DCLK1: variants seen among roughly 807,000 people sequenced by gnomAD.
The protein encoded by DCLK1 is doublecortin like kinase 1.
A neutral mutation model predicts 86.2 loss-of-function variants in DCLK1; 16 were observed. The observed-to-expected ratio is 0.19, with a 90% CI of 0.13 to 0.28. The LOEUF (loss-of-function observed/expected upper bound fraction) is 0.28, where lower values mean the gene tolerates loss of function less well. Among genes scored for constraint, DCLK1 ranks in the 10% least tolerant of loss-of-function variants. DCLK1 has a pLI of 1.00. For synonymous variants in DCLK1, 369 were observed against 370.5 expected (o/e 1.00, Z 0.05); for missense variants, 590 against 940.2 (o/e 0.63, Z 4.87).
chr13:36,116,286 A>G (rs1455501405), intron 2 of DCLK1, among the ~76,000 whole-genome samples: 1 of 152,114 alleles, frequency 6.6e-6, no homozygotes, highest in African/African-American at 2.4e-5. Context: ...ATTATTCTTC[A>G]AAGCATAACA....
chr13:36,029,241 C>A (rs527653020), intron 3 of DCLK1, among the ~76,000 whole-genome samples: 27 of 152,292 alleles, frequency 1.8e-4, no homozygotes, highest in Admixed American at 1.6e-3. Flanking sequence ...CCTGACCTCC[C>A]TGGTCAGATT....
At chr13:35,837,561 C>A (rs1462974323) in intron 7 of DCLK1, among the ~76,000 whole-genome samples, 1 of 152,126 alleles carries the variant, frequency 6.6e-6, no homozygotes, top group Non-Finnish European at 1.5e-5. Context: ...CCAGATGACA[C>A]AATCTTAAGG....
At chr13:36,039,821 C>A (rs559534993) in intron 3 of DCLK1, among the ~76,000 whole-genome samples, 3 of 151,934 alleles carry the variant, frequency 2.0e-5, no homozygotes, top group Admixed American at 2.0e-4. Flanking sequence ...CACTTTTGAA[C>A]GCAGTGTCTA....
chr13:35,948,521 G>A (rs973473265), intron 3 of DCLK1, among the ~76,000 whole-genome samples: 2 of 152,082 alleles, frequency 1.3e-5, no homozygotes, highest in Non-Finnish European at 2.9e-5. Flanking sequence ...CTGCTTTTTT[G>A]TTAGTCCCTG....
intron 3 of DCLK1, among the ~76,000 whole-genome samples, chr13:35,993,373 C>T (rs12431334): frequency 0.36 from 54,936 of 152,062 alleles, 11,062 homozygotes; most frequent in Non-Finnish European, 0.44. Flanking sequence ...AGTTCTGTCT[C>T]TCCAGGTAGA....
In DCLK1 at chr13:36,081,184, T is replaced by A. The variant is rs567771344; in HGVS notation, c.723+30685A>T. ...GAAAGCAACTTTTAAAAGAAAAAAA[T>A]TAGAATTAAATAATTATTAACATAA... On this transcript the variant is annotated intron_variant, in intron 3 of 16. Coordinates refer to ENST00000360631, the MANE Select transcript of DCLK1 (RefSeq NM_001330071.2). Among the ~76,000 whole-genome samples the A allele has an allele frequency of 3.9e-5, 6 of 152,164 alleles. No homozygotes were observed. The South Asian group carries it at 1.0e-3, about 26-fold the overall frequency.
At chr13:35,811,770 G>C (rs1296028962) in intron 11 of DCLK1, among the ~76,000 whole-genome samples, 1 of 151,822 alleles carries the variant, frequency 6.6e-6, no homozygotes, top group African/African-American at 2.4e-5. Flanking sequence ...GGAGGTGGAG[G>C]TTGCAGTGAG....
chr13:36,119,067 G>A (rs1338198503), intron 2 of DCLK1, among the ~76,000 whole-genome samples: 3 of 152,118 alleles, frequency 2.0e-5, no homozygotes, highest in Non-Finnish European at 4.4e-5. Context: ...ACCCTAGCAG[G>A]TGGTAACACT....
chr13:35,948,353 T>C, intron 3 of DCLK1, among the ~76,000 whole-genome samples: 1 of 152,164 alleles, frequency 6.6e-6, no homozygotes, highest in East Asian at 1.9e-4. Context: ...AGGCACCCAT[T>C]CAGAGCTGTA....
intron 5 of DCLK1, among the ~76,000 whole-genome samples, chr13:35,857,470 TC>T (rs1871128972): frequency 6.6e-6 from 1 of 152,142 alleles, no homozygotes; most frequent in Non-Finnish European, 1.5e-5. Context: ...CTAGCAATAA[TC>T]AACACTGCCT....
At chr13:35,917,829 G>C (rs1363207813) in intron 4 of DCLK1, among the ~76,000 whole-genome samples, 3 of 147,918 alleles carry the variant, frequency 2.0e-5, no homozygotes, top group Non-Finnish European at 4.5e-5. Context: ...GGGCGGGGAG[G>C]CCTCCAGTGG....
intron 3 of DCLK1, among the ~76,000 whole-genome samples, chr13:36,066,771 A>G (rs1883766794): frequency 1.3e-5 from 2 of 152,172 alleles, no homozygotes; most frequent in South Asian, 4.1e-4. Context: ...ACTTCTCAAA[A>G]GAAGACATTT....
rs551984617 is a variant in DCLK1 at position 35,985,198 on chromosome 13, T to G, written c.724-37741A>C. 5.9e-5 allele frequency among the ~76,000 whole-genome samples: 9 copies of G among 152,286 alleles called. No individual in the cohort carries two copies. In the East Asian group the frequency reaches 1.4e-3, roughly 23 times the overall value. On this transcript the variant is annotated intron_variant, in intron 3 of 16. Transcript: ENST00000360631. ...AGCTCACTTCCCTTCCACATCATCC[T>G]TCTCCACTGTTGTTTCTAACAGAGG...
chr13:35,909,329 A>G (rs2094248), intron 4 of DCLK1, among the ~76,000 whole-genome samples: 14,992 of 152,236 alleles, frequency 0.098, 845 homozygotes, highest in South Asian at 0.21. Flanking sequence ...GAATATTTGC[A>G]CATAAAATGG....
At chr13:36,095,539 G>C (rs759183279) in intron 3 of DCLK1, among the ~76,000 whole-genome samples, 2 of 151,964 alleles carry the variant, frequency 1.3e-5, no homozygotes, top group African/African-American at 4.8e-5. Context: ...ACTCCCAAAT[G>C]TTTCCAAAAA....
At chr13:35,971,813 G>A (rs1430528113) in intron 3 of DCLK1, among the ~76,000 whole-genome samples, 2 of 151,818 alleles carry the variant, frequency 1.3e-5, no homozygotes, top group Non-Finnish European at 2.9e-5. Context: ...TGTTAATGCT[G>A]GGCCCTGGAG....
intron 3 of DCLK1, among the ~76,000 whole-genome samples, chr13:36,053,522 A>G (rs1015533539): frequency 3.9e-5 from 6 of 152,174 alleles, no homozygotes; most frequent in African/African-American, 1.4e-4. Context: ...ACAGCAGCAC[A>G]TCTAACATTT....
At chr13:35,955,459 T>C (rs1194849953) in intron 3 of DCLK1, among the ~76,000 whole-genome samples, 1 of 152,044 alleles carries the variant, frequency 6.6e-6, no homozygotes, top group East Asian at 1.9e-4. Flanking sequence ...CCTGATTCTA[T>C]TCATGAGGAT....
intron 3 of DCLK1, among the ~76,000 whole-genome samples, chr13:36,012,391 C>T (rs1224822500): frequency 2.6e-5 from 4 of 151,740 alleles, no homozygotes; most frequent in Non-Finnish European, 1.5e-5. Flanking sequence ...ATGTTTAGCG[C>T]TTCCTTCAGG....
Sources: allele counts gnomAD v4.1 joint callset (sites outside exome capture counted in the v4.1 genomes callset), GRCh38; gene constraint gnomAD v4.1.1; transcripts MANE v1.5; gene names NCBI Gene and HGNC (gene_info 2026-07-23, HGNC 2026-07-21).